RAPGEF2: variants seen among roughly 807,000 people sequenced by gnomAD.
RAPGEF2 encodes the protein Rap guanine nucleotide exchange factor 2.
Under a neutral mutation model 186.7 loss-of-function variants are expected in RAPGEF2, and 54 were observed. The ratio of observed to expected loss-of-function variants is 0.29; its 90% CI spans 0.23 to 0.36. RAPGEF2 has a LOEUF of 0.36. Ranked by LOEUF, RAPGEF2 falls within the 10% of genes least tolerant of loss-of-function variation. RAPGEF2 has a pLI of 1.00. For missense variants in RAPGEF2, 1,532 were observed against 2,045.0 expected (o/e 0.75, Z 4.84); for synonymous variants, 712 against 705.9 (o/e 1.01, Z -0.14).
At chr4:159,240,961 T>C in intron 5 of RAPGEF2, 1 of 409,086 alleles carries the variant, frequency 2.4e-6, no homozygotes, top group Non-Finnish European at 4.3e-6. Flanking sequence ...TACAGGAAAT[T>C]CAAGAGTTAC....
At chr4:159,196,549 CT>C (rs33923836) in intron 3 of RAPGEF2, among the ~76,000 whole-genome samples, 49,614 of 152,056 alleles carry the variant, frequency 0.33, 8,344 homozygotes, top group Non-Finnish European at 0.37. Flanking sequence ...TGATCCACCC[CT>C]GTACCTCGTT....
chr4:159,337,087 G>A (rs116740789), intron 17 of RAPGEF2, among the ~76,000 whole-genome samples: 1 of 152,240 alleles, frequency 6.6e-6, no homozygotes, highest in African/African-American at 2.4e-5. Flanking sequence ...ACAGTAACAG[G>A]CTTTTTATAA....
At chr4:159,163,177 A>G (rs952296822) in intron 1 of RAPGEF2, among the ~76,000 whole-genome samples, 4 of 152,218 alleles carry the variant, frequency 2.6e-5, no homozygotes, top group African/African-American at 9.6e-5. Flanking sequence ...TGGTTCAATT[A>G]TAAGAGTGGG....
chr4:159,245,474 G>T (rs946604479), intron 7 of RAPGEF2, among the ~76,000 whole-genome samples: 2 of 152,082 alleles, frequency 1.3e-5, no homozygotes, highest in African/African-American at 4.8e-5. Context: ...GAAGATTTGG[G>T]GTCTGTCACT....
At chr4:159,358,008 ATAAC>A in intron 29 of RAPGEF2, 102 bp from the exon 30 acceptor site, 1 of 1,150,028 alleles carries the variant, frequency 8.7e-7, no homozygotes, top group African/African-American at 1.6e-5. Flanking sequence ...ACTAAAAAGA[ATAAC>A]TATGATAGTT....
At chr4:159,186,911 AC>A (rs1226789171) in intron 2 of RAPGEF2, among the ~76,000 whole-genome samples, 199 bp downstream of exon 2, 1 of 152,074 alleles carries the variant, frequency 6.6e-6, no homozygotes, top group African/African-American at 2.4e-5. Context: ...ATCACTTCAA[AC>A]GTTTATCATT....
chr4:159,243,388 A>G (rs1464046054), intron 6 of RAPGEF2, among the ~76,000 whole-genome samples: 1 of 151,952 alleles, frequency 6.6e-6, no homozygotes, highest in African/African-American at 2.4e-5. Flanking sequence ...GGAAGATTGC[A>G]AAATTTTGTT....
intron 7 of RAPGEF2, among the ~76,000 whole-genome samples, chr4:159,263,565 A>G (rs1757113433): frequency 6.6e-6 from 1 of 152,210 alleles, no homozygotes; most frequent in African/African-American, 2.4e-5. Context: ...AGTAAGTGGT[A>G]TTAAGAAACT....
chr4:159,298,919 T>A (rs1762332442), intron 7 of RAPGEF2, among the ~76,000 whole-genome samples: 1 of 152,140 alleles, frequency 6.6e-6, no homozygotes, highest in African/African-American at 2.4e-5. Context: ...ATTTATTCAG[T>A]CCTCACAACA....
At chr4:159,241,114 G>A in intron 5 of RAPGEF2, 87 bp from the exon 6 acceptor site, 1 of 1,092,672 alleles carries the variant, frequency 9.2e-7, no homozygotes, top group Non-Finnish European at 1.2e-6. Flanking sequence ...GATTGAATAT[G>A]GGTTATCTGT....
In RAPGEF2 at chr4:159,341,770, G is replaced by C. The variant is rs754635624; in HGVS notation, c.2741G>C (p.Ser914Thr). Residue 914 changes from serine to threonine, a missense_variant, in exon 20 of 30, where the codon AGC becomes ACC. Coordinates refer to ENST00000691494, the MANE Select transcript of RAPGEF2 (RefSeq NM_001394067.2). Reference protein sequence around the residue: ...DDLFKLRSKTSCANLKRFEEV... With the variant: ...DDLFKLRSKTTCANLKRFEEV... ...TTATTTAAACTCAGATCAAAAACCAGCTGTGCCAACCTGAAGAGATTTGAA... is the reference window on the plus strand; with the variant it reads ...TTATTTAAACTCAGATCAAAAACCACCTGTGCCAACCTGAAGAGATTTGAA... 1.9e-6 allele frequency: 3 copies of C among 1,614,002 alleles called. No homozygotes were observed. Among genetic ancestry groups the C allele is most frequent in the Non-Finnish European group, 2.5e-6 (3 of 1,179,916 alleles).
At chr4:159,337,001 T>G (rs1213279988) in intron 17 of RAPGEF2, among the ~76,000 whole-genome samples, 1 of 152,228 alleles carries the variant, frequency 6.6e-6, no homozygotes, top group African/African-American at 2.4e-5. Flanking sequence ...TTATTTGAGT[T>G]TTTGTTTTGG....
At chr4:159,255,476 A>G (rs1452690917) in intron 7 of RAPGEF2, among the ~76,000 whole-genome samples, 1 of 152,028 alleles carries the variant, frequency 6.6e-6, no homozygotes, top group Non-Finnish European at 1.5e-5. Flanking sequence ...TTGGCAACTC[A>G]TGACTGTGCT....
chr4:159,179,192 A>G (rs906967044), intron 1 of RAPGEF2, among the ~76,000 whole-genome samples: 7 of 90,544 alleles, frequency 7.7e-5, no homozygotes, highest in East Asian at 4.1e-4. Context: ...AATTTGGGGG[A>G]AAAAATAGCT....
chr4:159,300,153 A>G (rs991739177), intron 7 of RAPGEF2, among the ~76,000 whole-genome samples: 1 of 151,326 alleles, frequency 6.6e-6, no homozygotes, highest in African/African-American at 2.4e-5. Context: ...TTTAATACTA[A>G]TATACTTTAT....
chr4:159,244,373 C>T (rs1754363989), intron 7 of RAPGEF2, among the ~76,000 whole-genome samples: 1 of 151,838 alleles, frequency 6.6e-6, no homozygotes. Flanking sequence ...GCTTTTATTT[C>T]ATTCTACATT....
At chr4:159,243,940 T>G (rs531287543) in intron 7 of RAPGEF2, 149 bp downstream of exon 7, 3 of 536,682 alleles carry the variant, frequency 5.6e-6, no homozygotes, top group Non-Finnish European at 9.6e-6. Flanking sequence ...TATCAGTGGT[T>G]TGGGTGGTAG....
intron 1 of RAPGEF2, among the ~76,000 whole-genome samples, chr4:159,174,522 A>G (rs902752868): frequency 1.3e-5 from 2 of 152,220 alleles, no homozygotes; most frequent in African/African-American, 4.8e-5. Context: ...TGTAATTTTT[A>G]TGGCTAATTA....
chr4:159,173,010 T>C (rs1746074841), intron 1 of RAPGEF2, among the ~76,000 whole-genome samples: 1 of 152,186 alleles, frequency 6.6e-6, no homozygotes, highest in Non-Finnish European at 1.5e-5. Context: ...AAAATTTCTT[T>C]AGCATTTTAG....
Sources: allele counts gnomAD v4.1 joint callset (sites outside exome capture counted in the v4.1 genomes callset), GRCh38; gene constraint gnomAD v4.1.1; transcripts MANE v1.5; gene names NCBI Gene and HGNC (gene_info 2026-07-23, HGNC 2026-07-21).